ATP13A5: variants seen among roughly 807,000 people sequenced by gnomAD.
ATP13A5 encodes probable cation-transporting ATPase 13A5.
Under a neutral mutation model 150.2 loss-of-function variants are expected in ATP13A5, and 149 were observed. That is an observed-to-expected ratio of 0.99 (90% CI 0.87 to 1.14). The LOEUF is 1.14. ATP13A5 is among the 50% of genes most tolerant of loss of function. The probability of loss-of-function intolerance (pLI) is 0.00; values close to 1 mark genes in which losing one functional copy is unlikely to be tolerated. For synonymous variants in ATP13A5, 497 were observed against 522.2 expected (o/e 0.95, Z 0.66); for missense variants, 1,383 against 1,449.3 (o/e 0.95, Z 0.74).
At chr3:193,294,642 A>G (rs139121305) in intron 25 of ATP13A5, among the ~76,000 whole-genome samples, 1 of 152,244 alleles carries the variant, frequency 6.6e-6, no homozygotes, top group East Asian at 1.9e-4. Context: ...AGTCAGAGTT[A>G]AGGCCAAAAG....
At chr3:193,375,218 T>C (rs1713596560) in intron 1 of ATP13A5, among the ~76,000 whole-genome samples, 1 of 152,170 alleles carries the variant, frequency 6.6e-6, no homozygotes, top group Admixed American at 6.5e-5. Flanking sequence ...GCAGAAGATA[T>C]GTTTAGAAAA....
chr3:193,329,239 C>G (rs1711536484), intron 12 of ATP13A5, among the ~76,000 whole-genome samples: 1 of 103,418 alleles, frequency 9.7e-6, no homozygotes, highest in South Asian at 3.3e-4. Flanking sequence ...GACTCCATCT[C>G]AAAAGAAAAA....
At chr3:193,305,511 A>T (rs1440935002) in intron 23 of ATP13A5, 48 bp downstream of exon 23, 2 of 1,408,936 alleles carry the variant, frequency 1.4e-6, no homozygotes, top group South Asian at 2.3e-5. Flanking sequence ...GCAGAGCCAG[A>T]CAATGGGCCC....
At chr3:193,279,250 A>G in intron 28 of ATP13A5, 116 bp downstream of exon 28, 4 of 774,184 alleles carry the variant, frequency 5.2e-6, no homozygotes, top group Admixed American at 2.5e-5. Flanking sequence ...ATATAGAAAT[A>G]GCCTCACAGT....
At chr3:193,344,195 T>G in intron 8 of ATP13A5, 140 bp from the exon 9 acceptor site, 1 of 1,121,554 alleles carries the variant, frequency 8.9e-7, no homozygotes. Flanking sequence ...TTTTAGTCAA[T>G]TGAAAATTCC....
chr3:193,315,447 G>A (rs1229233944), intron 17 of ATP13A5, among the ~76,000 whole-genome samples: 2 of 151,930 alleles, frequency 1.3e-5, no homozygotes, highest in African/African-American at 4.8e-5. Context: ...GCTTGCAATC[G>A]TTTCAGTTTA....
chr3:193,308,639 A>G (rs1718713327), intron 21 of ATP13A5, among the ~76,000 whole-genome samples: 1 of 152,156 alleles, frequency 6.6e-6, no homozygotes, highest in Non-Finnish European at 1.5e-5. Context: ...CAAGAATCTT[A>G]TCATCTTCTA....
At chr3:193,372,000 A>G (rs149428286) in intron 1 of ATP13A5, among the ~76,000 whole-genome samples, 5 of 152,062 alleles carry the variant, frequency 3.3e-5, no homozygotes, top group African/African-American at 1.2e-4. Flanking sequence ...TTCTGCCACC[A>G]CAGATGATTA....
At position 193,322,581 on chromosome 3, in the gene ATP13A5, T is replaced by A. The variant is rs140954507; in HGVS notation, c.1675-7A>T. The A allele has an allele frequency of 7.6e-6, 12 of 1,585,648 alleles. No homozygotes were observed. In the South Asian group the frequency reaches 1.3e-4, roughly 18 times the overall value. ...CAATGCAATCTTCCATTTTCTGTTATAAAATGAAAACATTCATAAGATTCT... is the reference window on the plus strand; with the variant it reads ...CAATGCAATCTTCCATTTTCTGTTAAAAAATGAAAACATTCATAAGATTCT... On this transcript the variant is annotated splice_region_variant and splice_polypyrimidine_tract_variant and intron_variant, in intron 14 of 29. Coordinates refer to ENST00000342358, the MANE Select transcript of ATP13A5 (RefSeq NM_198505.4).
chr3:193,345,200 T>A lies in ATP13A5; in HGVS notation c.742-125A>T. ...GTGACTCTGGGCAAAGGACTCAACT[T>A]CTTTTGATGCTTCAGCTTCCTTGCT... is the stretch of plus-strand genomic sequence containing the variant. On this transcript the variant is annotated intron_variant, in intron 7 of 29. Transcript: ENST00000342358. 5.9e-6 allele frequency: 5 copies of A among 843,800 alleles called. No homozygotes were observed. In the South Asian group the frequency reaches 7.5e-5, roughly 13 times the overall value. The allele number at this position is 843,800 out of a possible 1,614,324, so 52.3% of individuals were successfully genotyped here.
chr3:193,336,046 T>G (rs1211660611), intron 9 of ATP13A5, among the ~76,000 whole-genome samples: 1 of 152,196 alleles, frequency 6.6e-6, no homozygotes, highest in African/African-American at 2.4e-5. Context: ...AGTCTTTTAC[T>G]AAATGTTCAA....
chr3:193,354,099 CA>C (rs11300573), intron 6 of ATP13A5, 27 bp downstream of exon 6: 769,943 of 1,475,560 alleles, frequency 0.52, 189,261 homozygotes, highest in African/African-American at 0.62. Context: ...TCTATTTTTT[CA>C]AAAAAAAAAG....
rs778471815 is a variant in ATP13A5, at chr3:193,354,158, AT to A, written c.574del (p.Ile192SerfsTer13). On this transcript the variant is annotated frameshift_variant, in exon 6 of 30. Transcript: ENST00000342358. LOFTEE classifies it high-confidence loss of function. ...VCGPNAIEVEIQPIWKLLVKQ... is the reference protein window; with the variant it reads ...VCGPNAIEVEXQPIWKLLVKQ... ...AACAAGCAGCTTCCATATGGGTTGGATTTCAACCTCAATGGCGTTGGGCCCA... is the reference window on the plus strand; with the variant it reads ...AACAAGCAGCTTCCATATGGGTTGGATTCAACCTCAATGGCGTTGGGCCCA... 1 of 1,611,926 alleles carries A rather than the reference AT, an allele frequency of 6.2e-7. No homozygotes were observed. The highest frequency in any genetic ancestry group is 1.7e-5 in the Admixed American group (1 of 59,656).
intron 1 of ATP13A5, among the ~76,000 whole-genome samples, chr3:193,369,718 A>G (rs1448780878): frequency 6.6e-6 from 1 of 152,172 alleles, no homozygotes; most frequent in Non-Finnish European, 1.5e-5. Context: ...CAAACCCGTT[A>G]TACATGGTTC....
rs1248753798 is a variant in ATP13A5 at position 193,347,392 on chromosome 3, CA to C, written c.742-2318del. 4.6e-5 allele frequency among the ~76,000 whole-genome samples: 7 copies of C among 152,128 alleles called. 1 individual carries two copies. The highest frequency in any genetic ancestry group is 1.7e-4 in the African/African-American group (7 of 41,436). The stretch of plus-strand genomic sequence containing the variant: ...AATGTTAAAGTAATCTTTTCACCAT[CA>C]TTTACTTACTAGGTAAATCAAACCT... On this transcript the variant is annotated intron_variant, in intron 7 of 29. Transcript: ENST00000342358.
rs753166278 is a variant in ATP13A5 at position 193,290,030 on chromosome 3, C to CAT, written c.2877_2878insAT (p.Ala960MetfsTer21). 1.9e-6 allele frequency: 3 copies of CAT among 1,610,240 alleles called. No homozygotes were observed. The highest frequency in any genetic ancestry group is 1.7e-6 in the Non-Finnish European group (2 of 1,178,478). ...AGCTGTCCTGCTGGTCTATATGGAG[C>CAT]CAGCTTTGGGTAGGCATGAGTTGAA... On this transcript the variant is annotated frameshift_variant, in exon 26 of 30. Coordinates refer to ENST00000342358, the MANE Select transcript of ATP13A5 (RefSeq NM_198505.4). LOFTEE classifies it high-confidence loss of function.
In ATP13A5 at chr3:193,290,173, C is replaced by T. The variant is rs542786931; in HGVS notation, c.2849-114G>A. The T allele has an allele frequency of 1.4e-4, 143 of 1,056,324 alleles. 3 individuals are homozygous for T. In the South Asian group the frequency reaches 2.0e-3, roughly 15 times the overall value. The allele number at this position is 1,056,324 out of a possible 1,614,324, so 65.4% of individuals were successfully genotyped here. A position where few individuals can be genotyped will look rare whatever the true frequency, so the allele number is the denominator to read the frequency against. ...CATTGGGATTCAGACTAAGCAAACACGAACAGAAGATTTACACCTAGGTAA... is the reference window on the plus strand; with the variant it reads ...CATTGGGATTCAGACTAAGCAAACATGAACAGAAGATTTACACCTAGGTAA... On this transcript the variant is annotated intron_variant, in intron 25 of 29. Transcript: ENST00000342358.
chr3:193,284,679 A>G (rs1560113069), intron 27 of ATP13A5, among the ~76,000 whole-genome samples: 1 of 152,316 alleles, frequency 6.6e-6, no homozygotes, highest in East Asian at 1.9e-4. Flanking sequence ...ATTCTTGATG[A>G]CTCACAATAG....
chr3:193,310,053 G>C (rs992895347), intron 21 of ATP13A5, among the ~76,000 whole-genome samples: 1 of 152,012 alleles, frequency 6.6e-6, no homozygotes, highest in Non-Finnish European at 1.5e-5. Context: ...CCCAATATCT[G>C]TGTTTTTCTT....
Sources: gnomAD v4.1 joint callset for allele counts (sites outside exome capture counted in the v4.1 genomes callset) on GRCh38, gnomAD v4.1.1 for gene constraint, MANE v1.5 for transcripts, NCBI Gene and HGNC (gene_info 2026-07-23, HGNC 2026-07-21) for gene names.